SLC13A3: variants seen among roughly 807,000 people sequenced by gnomAD.
The protein encoded by SLC13A3 is solute carrier family 13 member 3.
In SLC13A3, 40 loss-of-function variants were observed where a neutral mutation model predicts 59.0. The ratio of observed to expected loss-of-function variants is 0.68; its 90% confidence interval spans 0.53 to 0.88. The LOEUF (loss-of-function observed/expected upper bound fraction) is 0.88, where lower values mean the gene tolerates loss of function less well. Ranked by LOEUF, SLC13A3 falls within the 40% of genes least tolerant of loss-of-function variation. The pLI is 0.00. For synonymous variants in SLC13A3, 317 were observed against 330.3 expected (o/e 0.96, Z 0.44); for missense variants, 699 against 783.2 (o/e 0.89, Z 1.28).
intron 9 of SLC13A3, chr20:46,582,543 C>T (rs187460706): frequency 5.3e-5 from 38 of 717,054 alleles, no homozygotes; most frequent in Middle Eastern, 6.9e-4. Flanking sequence ...TTCGAGACTG[C>T]GCTGAGCTGT....
chr20:46,606,892 C>A (rs2062442233), intron 3 of SLC13A3, among the ~76,000 whole-genome samples: 2 of 152,226 alleles, frequency 1.3e-5, no homozygotes, highest in African/African-American at 4.8e-5. Flanking sequence ...ACTCACATGG[C>A]CCCTGGGTCC....
intron 5 of SLC13A3, 45 bp from the exon 6 acceptor site, chr20:46,592,574 C>T (rs1394232796): frequency 6.2e-7 from 1 of 1,608,904 alleles, no homozygotes; most frequent in African/African-American, 1.3e-5. Context: ...GCAGCCATGC[C>T]CATTTTGGGA....
At chr20:46,566,492 C>A in intron 10 of SLC13A3, 102 bp from the exon 11 acceptor site, 1 of 1,325,716 alleles carries the variant, frequency 7.5e-7, no homozygotes, top group Non-Finnish European at 1.0e-6. Flanking sequence ...ATACCCCTTC[C>A]CAGATGGGGA....
intron 1 of SLC13A3, among the ~76,000 whole-genome samples, chr20:46,621,038 T>G (rs1049523746): frequency 2.0e-5 from 3 of 152,238 alleles, no homozygotes; most frequent in African/African-American, 7.2e-5. Flanking sequence ...AAAAGTGAAC[T>G]GGTCAATAGC....
At chr20:46,600,283 A>G (rs1383103796) in intron 3 of SLC13A3, among the ~76,000 whole-genome samples, 49 of 126,590 alleles carry the variant, frequency 3.9e-4, no homozygotes, top group African/African-American at 1.6e-3. Flanking sequence ...AAGGAAAGGA[A>G]AGGGAGGGAA....
chr20:46,633,261 T>C (rs528191331), intron 1 of SLC13A3, among the ~76,000 whole-genome samples: 43 of 152,048 alleles, frequency 2.8e-4, no homozygotes, highest in Non-Finnish European at 2.6e-4. Context: ...AGAGAAACCC[T>C]TTCTGCCAAG....
chr20:46,651,196 G>A, intron 1 of SLC13A3, 115 bp downstream of exon 1: 4 of 1,352,320 alleles, frequency 3.0e-6, no homozygotes, highest in Non-Finnish European at 3.8e-6. Flanking sequence ...GAAGGCGAGG[G>A]GGTCTGGTGG....
chr20:46,665,665 G>A lies in SLC13A3; in HGVS notation c.-31+4378C>T, dbSNP rs901566655. ...TCATCAGTTAATACACATTTGGACC[G>A]TTTGAACTTTCTGGCTATTATGAAT... On this transcript the variant is annotated intron_variant, in intron 1 of 12. Transcript: ENST00000290317. Among the ~76,000 whole-genome samples the A allele has an allele frequency of 5.3e-5, 8 of 152,298 alleles. No individual in the cohort carries two copies. In the East Asian group the frequency reaches 5.8e-4, roughly 11 times the overall value.
Position 46,592,524 on chromosome 20 carries a change from A to G in SLC13A3, c.800T>C (p.Phe267Ser). 6.2e-7 allele frequency: 1 copy of G among 1,613,564 alleles called. No homozygotes were observed. Among genetic ancestry groups the G allele is most frequent in the Non-Finnish European group, 8.5e-7 (1 of 1,179,628 alleles). ...GAAATTCACCACGTCACACTGCGGA[A>G]AGAAACTGGAGAACAGCGGGAGATG... is the stretch of plus-strand genomic sequence containing the variant. Reference protein sequence around the residue: ...LILLGQLKSFFPQCDVVNFGS... With the variant: ...LILLGQLKSFSPQCDVVNFGS... Residue 267 changes from phenylalanine (F) to serine (S), a missense_variant, in exon 6 of 13, where the codon TTT becomes TCT. Coordinates refer to ENST00000279027, the MANE Select transcript of SLC13A3 (RefSeq NM_022829.6).
In SLC13A3 at chr20:46,585,812, C is replaced by T. The variant is rs1045669142; in HGVS notation, c.1122-2143G>A. 11 of 1,261,776 alleles carry T rather than the reference C, an allele frequency of 8.7e-6. No homozygotes were observed. The African/African-American group carries it at 1.6e-4, about 18-fold the overall frequency. The allele number at this position is 1,261,776 out of a possible 1,614,324, so 78.2% of individuals were successfully genotyped here. A position where few individuals can be genotyped will look rare whatever the true frequency, so the allele number is the denominator to read the frequency against. On this transcript the variant is annotated intron_variant, in intron 8 of 12. Coordinates refer to ENST00000279027, the MANE Select transcript of SLC13A3 (RefSeq NM_022829.6). ...GGTAAGAGCAACAAGAGCTTCATGG[C>T]TTCATGAAATTATATTGTTTCTTGC... is the stretch of plus-strand genomic sequence containing the variant.
At chr20:46,584,483 T>G (rs1205664035) in intron 8 of SLC13A3, 13 of 985,344 alleles carry the variant, frequency 1.3e-5, no homozygotes, top group African/African-American at 3.5e-5. Context: ...TAGAGCTCAC[T>G]GCTAACCAAA....
At chr20:46,648,915 TCACACA>T (rs533558646) in intron 1 of SLC13A3, among the ~76,000 whole-genome samples, 351 of 145,364 alleles carry the variant, frequency 2.4e-3, no homozygotes, top group African/African-American at 8.5e-3. Flanking sequence ...TCTCTCTCTC[TCACACA>T]CACACACACA....
chr20:46,563,475 G>C lies in SLC13A3; in HGVS notation c.1571C>G (p.Pro524Arg). 1 of 1,614,116 alleles carries C rather than the reference G, an allele frequency of 6.2e-7. No individual in the cohort carries two copies. The highest frequency in any genetic ancestry group is 1.3e-5 in the African/African-American group (1 of 75,040). The change falls in exon 12 of 13, where the codon CCG (proline) becomes CGG (arginine). Residue 524 changes from proline to arginine, a missense_variant. Pro to Arg is a moderately radical substitution (Grantham distance 103). Transcript: ENST00000279027. ...TVGCSFAFMLPVSTPPNSIAF... is the reference protein window; with the variant it reads ...TVGCSFAFMLRVSTPPNSIAF... ...GATGGAGTTGGGGGGCGTTGAGACC[G>C]GGAGCATGAAGGCAAAGGAGCAGCC... is the stretch of plus-strand genomic sequence containing the variant.
In SLC13A3 at chr20:46,597,717, A is replaced by G. The variant is rs150079641; in HGVS notation, c.609-1375T>C. ...CTCCCAAAGTACTGGGATTACAGGC[A>G]TAAGCCACCGCGGTAAAAATGCATC... On this transcript the variant is annotated intron_variant, in intron 4 of 12. Transcript: ENST00000279027. 6.8e-4 allele frequency among the ~76,000 whole-genome samples: 104 copies of G among 152,368 alleles called. 1 individual carries two copies. The highest frequency in any genetic ancestry group is 5.5e-3 in the Admixed American group (84 of 15,302).
intron 5 of SLC13A3, among the ~76,000 whole-genome samples, chr20:46,595,486 G>A (rs2062301902): frequency 6.6e-6 from 1 of 152,146 alleles, no homozygotes; most frequent in Non-Finnish European, 1.5e-5. Context: ...CTCCACTGGG[G>A]GACCCTGCTT....
At chr20:46,615,759 G>A (rs2062548307) in intron 1 of SLC13A3, among the ~76,000 whole-genome samples, 1 of 152,128 alleles carries the variant, frequency 6.6e-6, no homozygotes, top group Admixed American at 6.5e-5. Context: ...ATTGGAAAAT[G>A]TCCAGATTCC....
intron 2 of SLC13A3, among the ~76,000 whole-genome samples, chr20:46,611,385 C>T (rs533395672): frequency 1.2e-4 from 19 of 152,290 alleles, no homozygotes; most frequent in African/African-American, 4.3e-4. Context: ...AAGTTTCCCC[C>T]TATCTCCCTA....
intron 1 of SLC13A3, among the ~76,000 whole-genome samples, chr20:46,629,407 T>C (rs1185287836): frequency 6.6e-6 from 1 of 152,260 alleles, no homozygotes; most frequent in Non-Finnish European, 1.5e-5. Flanking sequence ...AAGCTGTTTC[T>C]GGAAGACAGT....
chr20:46,640,453 C>G (rs2062836764), intron 1 of SLC13A3, among the ~76,000 whole-genome samples: 1 of 152,146 alleles, frequency 6.6e-6, no homozygotes, highest in Non-Finnish European at 1.5e-5. Context: ...CCTACCAGCA[C>G]CACAGGCACC....
Sources: gnomAD v4.1 joint callset for allele counts (sites outside exome capture counted in the v4.1 genomes callset) on GRCh38, gnomAD v4.1.1 for gene constraint, MANE v1.5 for transcripts, NCBI Gene and HGNC (gene_info 2026-07-23, HGNC 2026-07-21) for gene names.